Variants in BMP10 observed in about 807,000 individuals in gnomAD.
BMP10 encodes the protein bone morphogenetic protein 10.
Under a neutral mutation model 29.9 loss-of-function variants are expected in BMP10, and 9 were observed. The ratio of observed to expected loss-of-function variants is 0.30; its 90% CI spans 0.18 to 0.53. The LOEUF is 0.53. BMP10 is among the 20% of genes least tolerant of loss of function. The pLI is 0.96. For missense variants in BMP10, 474 were observed against 524.3 expected, an observed-to-expected ratio of 0.90 and a Z score of 0.94; for synonymous variants, 202 against 200.2, an observed-to-expected ratio of 1.01 and a Z score of -0.07.
Position 68,871,140 on chromosome 2 carries a change from C to A in BMP10, c.219G>T (p.Thr73=), listed in dbSNP as rs769814201. Residue 73 remains threonine (T), a synonymous_variant, in exon 1 of 2, where the codon ACG becomes ACT. Transcript: ENST00000295379. ...LKTLNLSDIP[T]QDSAKVDPPE... is the part of the protein sequence containing the mutation. ...GTGGGTCCACCTTGGCTGAATCCTGCGTGGGGATGTCAGAGAGGTTTAGTG... is the reference window on the plus strand; with the variant it reads ...GTGGGTCCACCTTGGCTGAATCCTGAGTGGGGATGTCAGAGAGGTTTAGTG... The A allele has an allele frequency of 1.2e-6, 2 of 1,613,998 alleles. No individual in the cohort carries two copies. Among genetic ancestry groups the A allele is most frequent in the Non-Finnish European group, 1.7e-6 (2 of 1,180,030 alleles).
At position 68,871,122 on chromosome 2, in the gene BMP10, C is replaced by T. The variant is rs370944597; in HGVS notation, c.237G>A (p.Val79=). The part of the protein sequence containing the change: ...SDIPTQDSAK[V]DPPEYMLELY... Reference sequence around the variant, plus strand: ...GTTCCAACATGTACTCTGGTGGGTCCACCTTGGCTGAATCCTGCGTGGGGA... The same window carrying T: ...GTTCCAACATGTACTCTGGTGGGTCTACCTTGGCTGAATCCTGCGTGGGGA... Residue 79 remains valine, a synonymous_variant, in exon 1 of 2, where the codon GTG becomes GTA. Transcript: ENST00000295379. The T allele has an allele frequency of 1.9e-6, 3 of 1,614,004 alleles. No individual in the cohort carries two copies. In the African/African-American group the frequency reaches 4.0e-5, roughly 22 times the overall value.
rs1683056701 is a variant in BMP10, at chr2:68,871,055, C to T, written c.304G>A (p.Ala102Thr). ...FATDRTSMPS[A>T]NIIRSFKNED... ...TTCTTGAAACTCCTAATGATGTTGG[C>T]AGAGGGCATGGAGGTCCGATCTGTT... The change falls in exon 1 of 2, where the codon GCC (alanine) becomes ACC (threonine). Residue 102 changes from alanine to threonine, a missense_variant. Coordinates refer to ENST00000295379, the MANE Select transcript of BMP10 (RefSeq NM_014482.3). 1 of 1,613,126 alleles carries T rather than the reference C, an allele frequency of 6.2e-7. No homozygotes were observed.
Position 68,870,798 on chromosome 2 carries a change from T to A in BMP10, c.334+227A>T, listed in dbSNP as rs563002144. On this transcript the variant is annotated intron_variant, in intron 1 of 1. Coordinates refer to ENST00000295379, the MANE Select transcript of BMP10 (RefSeq NM_014482.3). The stretch of plus-strand genomic sequence containing the variant: ...CCAATTATGATGTCAAATTGATAGA[T>A]GTTTTGTGGCTTTGGATTAAAAGAT... Among the ~76,000 whole-genome samples the A allele has an allele frequency of 7.0e-4, 107 of 152,360 alleles. 1 individual carries two copies. The highest frequency in any genetic ancestry group is 2.6e-3 in the African/African-American group (107 of 41,594).
intron 1 of BMP10, among the ~76,000 whole-genome samples, chr2:68,867,697 C>T (rs377297045): frequency 2.0e-5 from 3 of 152,082 alleles, no homozygotes; most frequent in Non-Finnish European, 4.4e-5. Flanking sequence ...ACCGAAGATG[C>T]TAAGGACCAC....
intron 1 of BMP10, among the ~76,000 whole-genome samples, chr2:68,870,290 G>T (rs1007461664): frequency 1.3e-5 from 2 of 152,042 alleles, no homozygotes; most frequent in African/African-American, 4.8e-5. Context: ...ACATTAACTT[G>T]CTAGCTCATT....
chr2:68,868,365 T>A (rs1683006720), intron 1 of BMP10, among the ~76,000 whole-genome samples: 1 of 152,134 alleles, frequency 6.6e-6, no homozygotes, highest in African/African-American at 2.4e-5. Flanking sequence ...TTCCCTCCTC[T>A]CCCCTCTGAA....
At position 68,865,764 on chromosome 2, in the gene BMP10, G is replaced by A. The variant is rs767045695; in HGVS notation, c.1142C>T (p.Ser381Phe). 9.9e-6 allele frequency: 16 copies of A among 1,613,952 alleles called. No individual in the cohort carries two copies. Among genetic ancestry groups the A allele is most frequent in the Non-Finnish European group, 1.4e-5 (16 of 1,179,982 alleles). ...IIQALVHLKN[S>F]QKASKACCVP... Reference sequence around the variant, plus strand: ...ACAGCAGGCTTTGGAAGCTTTCTGGGAATTCTTGAGGTGGACCAAGGCCTG... The same window carrying A: ...ACAGCAGGCTTTGGAAGCTTTCTGGAAATTCTTGAGGTGGACCAAGGCCTG... Residue 381 changes from serine to phenylalanine, a missense_variant, in exon 2 of 2, where the codon TCC becomes TTC. By Grantham distance (155) the Ser-to-Phe change is radical. Around this residue, in one of 2 missense-constraint regions of BMP10, gnomAD observed 66 missense variants for 109.0 expected, o/e 0.61. Coordinates refer to ENST00000295379, the MANE Select transcript of BMP10 (RefSeq NM_014482.3). The surrounding 1 kb of genome is among the most constrained non-coding windows in gnomAD (Gnocchi z 4.7).
At position 68,871,246 on chromosome 2, in the gene BMP10, A is replaced by C. The variant is rs1683060966; in HGVS notation, c.113T>G (p.Leu38Arg). Residue 38 changes from leucine to arginine, a missense_variant, in exon 1 of 2, where the codon CTC becomes CGC. Leu to Arg is a moderately radical substitution (Grantham distance 102). Coordinates refer to ENST00000295379, the MANE Select transcript of BMP10 (RefSeq NM_014482.3). ...TTGCTCTGAGAAAACATCACCAAAG[A>C]GGGACATATCTTCTTCCAGAGGAGA... ...EQSPLEEDMSLFGDVFSEQDG... is the reference protein window; with the variant it reads ...EQSPLEEDMSRFGDVFSEQDG... The C allele has an allele frequency of 6.2e-7, 1 of 1,614,016 alleles. No individual in the cohort carries two copies. The highest frequency in any genetic ancestry group is 8.5e-7 in the Non-Finnish European group (1 of 1,180,008).
intron 1 of BMP10, among the ~76,000 whole-genome samples, chr2:68,868,168 T>G (rs913161942): frequency 1.2e-4 from 19 of 152,228 alleles, no homozygotes; most frequent in African/African-American, 4.6e-4. Flanking sequence ...AACAATTGAA[T>G]GGATTTGTAA....
intron 1 of BMP10, among the ~76,000 whole-genome samples, chr2:68,868,528 G>A (rs1465291080): frequency 6.6e-6 from 1 of 152,146 alleles, no homozygotes; most frequent in Non-Finnish European, 1.5e-5. Flanking sequence ...CTACTATGAT[G>A]GCTTAAACAG....
rs1373236546 is a variant in BMP10 at position 68,865,228 on chromosome 2, A to T, written c.*403T>A. Among the ~76,000 whole-genome samples the T allele has an allele frequency of 6.6e-6, 1 of 152,242 alleles. No homozygotes were observed. Among genetic ancestry groups the T allele is most frequent in the Non-Finnish European group, 1.5e-5 (1 of 68,044 alleles). ...CTTAAATCCTACTCAGAGAAGAGGT[A>T]ACAGAGAACATACCATTGGCCTTTA... is the stretch of plus-strand genomic sequence containing the variant. On this transcript the variant is annotated 3_prime_UTR_variant, in exon 2 of 2. Coordinates refer to ENST00000295379, the MANE Select transcript of BMP10 (RefSeq NM_014482.3). This position sits in a 1 kb window ranked among gnomAD's most constrained non-coding sequence, Gnocchi z 4.7.
Position 68,863,193 on chromosome 2 carries a change from A to C in BMP10, c.*2438T>G, listed in dbSNP as rs2103801358. Among the ~76,000 whole-genome samples, 1 of 152,340 alleles carries C rather than the reference A, an allele frequency of 6.6e-6. No homozygotes were observed. The highest frequency in any genetic ancestry group is 3.4e-3 in the Middle Eastern group (1 of 294). Reference sequence around the variant, plus strand: ...CTGACTTAGGTTTTAGAAGTTTTGCAAGCCAGTTGACATCACCTTGGCAGC... The same window carrying C: ...CTGACTTAGGTTTTAGAAGTTTTGCCAGCCAGTTGACATCACCTTGGCAGC... On this transcript the variant is annotated 3_prime_UTR_variant, in exon 2 of 2. Coordinates refer to ENST00000295379, the MANE Select transcript of BMP10 (RefSeq NM_014482.3).
Position 68,871,336 on chromosome 2 carries a change from A to G in BMP10, c.23T>C (p.Leu8Pro). Residue 8 changes from leucine to proline, a missense_variant, in exon 1 of 2, where the codon CTG becomes CCG. Leu to Pro is a moderately conservative substitution (Grantham distance 98). Around this residue, in one of 2 missense-constraint regions of BMP10, gnomAD observed 408 missense variants for 415.3 expected, o/e 0.98. Transcript: ENST00000295379. MGSLVLT[L>P]CALFCLAAYL... Reference sequence around the variant, plus strand: ...AGCTGCCAGGCAGAAAAGAGCGCACAGTGTCAGGACCAGAGAGCCCATGAC... The same window carrying G: ...AGCTGCCAGGCAGAAAAGAGCGCACGGTGTCAGGACCAGAGAGCCCATGAC... 6.2e-7 allele frequency: 1 copy of G among 1,614,104 alleles called. No individual in the cohort carries two copies. Among genetic ancestry groups the G allele is most frequent in the East Asian group, 2.2e-5 (1 of 44,874 alleles).
In BMP10 at chr2:68,865,368, T is replaced by C; in HGVS notation, c.*263A>G. The C allele has an allele frequency of 2.1e-6, 1 of 487,550 alleles. No homozygotes were observed. The highest frequency in any genetic ancestry group is 3.2e-5 in the South Asian group (1 of 31,452). 30.2% of individuals were successfully genotyped at this position (487,550 alleles called of 1,614,324 possible). ...AAATATACATACACAAGTGTGTGTCTTTTGACACTGTATTTTGCCTAGGGG... is the reference window on the plus strand; with the variant it reads ...AAATATACATACACAAGTGTGTGTCCTTTGACACTGTATTTTGCCTAGGGG... On this transcript the variant is annotated 3_prime_UTR_variant, in exon 2 of 2. Coordinates refer to ENST00000295379, the MANE Select transcript of BMP10 (RefSeq NM_014482.3). This position sits in a 1 kb window ranked among gnomAD's most constrained non-coding sequence, Gnocchi z 4.7.
chr2:68,869,523 G>T (rs1016042307), intron 1 of BMP10, among the ~76,000 whole-genome samples: 1 of 152,172 alleles, frequency 6.6e-6, no homozygotes, highest in Non-Finnish European at 1.5e-5. Context: ...TCCTGACCTG[G>T]ATCATCCAGA....
chr2:68,871,161 T>C lies in BMP10; in HGVS notation c.198A>G (p.Leu66=). 6.2e-7 allele frequency: 1 copy of C among 1,614,168 alleles called. No individual in the cohort carries two copies. Among genetic ancestry groups the C allele is most frequent in the Admixed American group, 1.7e-5 (1 of 60,018 alleles). The part of the protein sequence containing the change: ...QSMKDEFLKT[L]NLSDIPTQDS... ...CCTGCGTGGGGATGTCAGAGAGGTT[T>C]AGTGTCTTAAGAAACTCATCCTTCA... is the stretch of plus-strand genomic sequence containing the variant. Residue 66 remains leucine, a synonymous_variant, in exon 1 of 2, where the codon CTA becomes CTG. Transcript: ENST00000295379.
At chr2:68,869,860 T>C (rs975249083) in intron 1 of BMP10, among the ~76,000 whole-genome samples, 1 of 152,242 alleles carries the variant, frequency 6.6e-6, no homozygotes, top group African/African-American at 2.4e-5. Flanking sequence ...AAGTAACTCA[T>C]TAGTAGTCAC....
rs1356310800 is a variant in BMP10, at chr2:68,864,001, C to G, written c.*1630G>C. The stretch of plus-strand genomic sequence containing the variant: ...GAAACTGCTCTGCTCTGCTCTGGTT[C>G]CTCCTGCACAAAGCCCAGAATATGC... On this transcript the variant is annotated 3_prime_UTR_variant, in exon 2 of 2. Transcript: ENST00000295379. Among the ~76,000 whole-genome samples, 1 of 152,174 alleles carries G rather than the reference C, an allele frequency of 6.6e-6. No individual in the cohort carries two copies. Among genetic ancestry groups the G allele is most frequent in the Non-Finnish European group, 1.5e-5 (1 of 68,034 alleles).
rs186163400 is a variant in BMP10, at chr2:68,863,790, T to A, written c.*1841A>T. ...TCTAGTGCAGTTTGAGTTTATAACCTTAAGAGATTTGTAAAAGGGGACTGA... is the reference window on the plus strand; with the variant it reads ...TCTAGTGCAGTTTGAGTTTATAACCATAAGAGATTTGTAAAAGGGGACTGA... On this transcript the variant is annotated 3_prime_UTR_variant, in exon 2 of 2. Transcript: ENST00000295379. Among the ~76,000 whole-genome samples the A allele has an allele frequency of 6.6e-6, 1 of 152,084 alleles. No individual in the cohort carries two copies. The highest frequency in any genetic ancestry group is 1.5e-5 in the Non-Finnish European group (1 of 68,006).
Sources: allele counts gnomAD v4.1 joint callset (sites outside exome capture counted in the v4.1 genomes callset), GRCh38; gene constraint gnomAD v4.1.1; regional missense constraint gnomAD v4.1.1; non-coding constraint Gnocchi (gnomAD v3.1); transcripts MANE v1.5; gene names NCBI Gene and HGNC (gene_info 2026-07-23, HGNC 2026-07-21).